FPR2: variants seen among roughly 807,000 people sequenced by gnomAD.
FPR2 encodes N-formyl peptide receptor 2.
Under a neutral mutation model 4.0 loss-of-function variants are expected in FPR2, and 3 were observed. That is an observed-to-expected ratio of 0.74 (90% CI 0.34 to 1.92). The LOEUF is 1.92. Ranked by LOEUF, FPR2 falls within the 30% of genes most tolerant of loss-of-function variation. The pLI is 0.07. For synonymous variants in FPR2, 179 were observed against 171.5 expected (o/e 1.04, Z -0.34); for missense variants, 372 against 435.7 (o/e 0.85, Z 1.30).
In FPR2 at chr19:51,768,968, G is replaced by T; in HGVS notation, c.310G>T (p.Val104Leu). The T allele has an allele frequency of 6.2e-7, 1 of 1,614,128 alleles. No homozygotes were observed. The highest frequency in any genetic ancestry group is 8.5e-7 in the Non-Finnish European group (1 of 1,180,034). ...GWFLCKLIHI[V>L]VDINLFGSVF... is the part of the protein sequence containing the mutation. Reference sequence around the variant, plus strand: ...GTTCCTGTGTAAGTTAATTCACATCGTGGTGGACATCAACCTCTTTGGAAG... The same window carrying T: ...GTTCCTGTGTAAGTTAATTCACATCTTGGTGGACATCAACCTCTTTGGAAG... The change falls in exon 2 of 2, where the codon GTG (valine) becomes TTG (leucine). Residue 104 changes from valine to leucine, a missense_variant. Transcript: ENST00000340023.
intron 1 of FPR2, chr19:51,763,077 G>A (rs983811050): frequency 1.3e-5 from 2 of 152,218 alleles, no homozygotes; most frequent in Non-Finnish European, 1.5e-5. Flanking sequence ...CTCCCGTGGG[G>A]AGAGGTTATA....
intron 1 of FPR2, 97 bp from the exon 2 acceptor site, chr19:51,768,548 G>A (rs1486592941): frequency 2.1e-6 from 2 of 947,052 alleles, no homozygotes; most frequent in East Asian, 5.2e-5. Context: ...TCTCCTGGTA[G>A]GAGTGGGAGC....
At position 51,765,493 on chromosome 19, in the gene FPR2, C is replaced by T. The variant is rs201187926; in HGVS notation, c.-14-3152C>T. Among the ~76,000 whole-genome samples, 18 of 152,338 alleles carry T rather than the reference C, an allele frequency of 1.2e-4. No individual in the cohort carries two copies. In the East Asian group the frequency reaches 3.1e-3, roughly 26 times the overall value. ...AATATCACTAAGATTAATCAATATT[C>T]ACTGTGTCTCAGGAGTGCTCAGTGT... On this transcript the variant is annotated intron_variant, in intron 1 of 1. Coordinates refer to ENST00000340023, the MANE Select transcript of FPR2 (RefSeq NM_001005738.2).
In FPR2 at chr19:51,769,557, T is replaced by C. The variant is rs2122368271; in HGVS notation, c.899T>C (p.Met300Thr). Residue 300 changes from methionine (M) to threonine (T), a missense_variant, in exon 2 of 2, where the codon ATG becomes ACG. Coordinates refer to ENST00000340023, the MANE Select transcript of FPR2 (RefSeq NM_001005738.2). The surrounding 1 kb of genome is among the most constrained non-coding windows in gnomAD (Gnocchi z 4.4). ...TTCTTCAACAGCTGCCTCAACCCCA[T>C]GCTTTACGTCTTTGTGGGCCAAGAC... ...LAFFNSCLNP[M>T]LYVFVGQDFR... 6 of 1,614,182 alleles carry C rather than the reference T, an allele frequency of 3.7e-6. No individual in the cohort carries two copies. The highest frequency in any genetic ancestry group is 5.1e-6 in the Non-Finnish European group (6 of 1,180,024).
chr19:51,766,802 G>A (rs2083870906), intron 1 of FPR2, among the ~76,000 whole-genome samples: 2 of 152,160 alleles, frequency 1.3e-5, no homozygotes, highest in Non-Finnish European at 2.9e-5. Flanking sequence ...AAGTGCTATG[G>A]AATTGCTATT....
intron 1 of FPR2, among the ~76,000 whole-genome samples, chr19:51,764,655 G>A (rs75211523): frequency 0.08 from 12,167 of 152,178 alleles, 597 homozygotes; most frequent in South Asian, 0.17. Context: ...TATAGTGACT[G>A]GCACATATTA....
At chr19:51,763,722 T>C (rs185181594) in intron 1 of FPR2, among the ~76,000 whole-genome samples, 34 of 152,240 alleles carry the variant, frequency 2.2e-4, no homozygotes, top group Admixed American at 2.2e-3. Context: ...TTTTGTTTTT[T>C]GGGGTGGTTT....
intron 1 of FPR2, among the ~76,000 whole-genome samples, chr19:51,763,802 G>C (rs1332104779): frequency 6.6e-6 from 1 of 152,146 alleles, no homozygotes; most frequent in Non-Finnish European, 1.5e-5. Context: ...CTGTTGCCCA[G>C]GCTGGAGTGC....
rs2122366953 is a variant in FPR2, at chr19:51,769,257, C to A, written c.599C>A (p.Ala200Asp). 1 of 1,614,176 alleles carries A rather than the reference C, an allele frequency of 6.2e-7. No homozygotes were observed. Among genetic ancestry groups the A allele is most frequent in the South Asian group, 1.1e-5 (1 of 91,088 alleles). ...RLKVAITMLT[A>D]RGIIRFVIGF... ...AAGGTGGCCATTACCATGCTGACAGCCAGAGGGATTATCCGGTTTGTCATT... is the reference window on the plus strand; with the variant it reads ...AAGGTGGCCATTACCATGCTGACAGACAGAGGGATTATCCGGTTTGTCATT... The change falls in exon 2 of 2, where the codon GCC becomes GAC. Residue 200 changes from alanine to aspartate, a missense_variant. Transcript: ENST00000340023. The surrounding 1 kb of genome is among the most constrained non-coding windows in gnomAD (Gnocchi z 4.4).
chr19:51,761,195 G>A lies in FPR2; in HGVS notation c.-50G>A, dbSNP rs753404331. ...TAGAGCCGGTGTTGCTCCACAGGAAGCCAAGAAGCACACAGGAAAAGGAGC... is the reference window on the plus strand; with the variant it reads ...TAGAGCCGGTGTTGCTCCACAGGAAACCAAGAAGCACACAGGAAAAGGAGC... On this transcript the variant is annotated 5_prime_UTR_variant, in exon 1 of 2. Transcript: ENST00000340023. 2.0e-5 allele frequency: 3 copies of A among 152,350 alleles called. No individual in the cohort carries two copies. The highest frequency in any genetic ancestry group is 3.9e-4 in the East Asian group (2 of 5,190). 9.4% of individuals were successfully genotyped at this position (152,350 alleles called of 1,614,324 possible). A position where few individuals can be genotyped will look rare whatever the true frequency, so the allele number is the denominator to read the frequency against.
chr19:51,768,560 T>G, intron 1 of FPR2, 85 bp from the exon 2 acceptor site: 1 of 1,080,004 alleles, frequency 9.3e-7, no homozygotes, highest in Non-Finnish European at 1.3e-6. Flanking sequence ...AGTGGGAGCT[T>G]TAGTGGAAGT....
Position 51,768,984 on chromosome 19 carries a change from T to A in FPR2, c.326T>A (p.Leu109His). ...ATTCACATCGTGGTGGACATCAACC[T>A]CTTTGGAAGTGTCTTCTTGATTGGT... ...KLIHIVVDIN[L>H]FGSVFLIGFI... The change falls in exon 2 of 2, where the codon CTC (leucine) becomes CAC (histidine). Residue 109 changes from leucine (L) to histidine (H), a missense_variant. By Grantham distance (99) the Leu-to-His change is moderately conservative. Coordinates refer to ENST00000340023, the MANE Select transcript of FPR2 (RefSeq NM_001005738.2). 1.2e-6 allele frequency: 2 copies of A among 1,614,214 alleles called. No homozygotes were observed. Among genetic ancestry groups the A allele is most frequent in the South Asian group, 1.1e-5 (1 of 91,086 alleles).
At chr19:51,767,609 A>C (rs55646701) in intron 1 of FPR2, among the ~76,000 whole-genome samples, 1 of 151,984 alleles carries the variant, frequency 6.6e-6, no homozygotes. Flanking sequence ...GTGGTTTTTC[A>C]AGCAGAGAAG....
At chr19:51,767,356 C>T (rs890613181) in intron 1 of FPR2, among the ~76,000 whole-genome samples, 2 of 152,170 alleles carry the variant, frequency 1.3e-5, no homozygotes, top group Non-Finnish European at 1.5e-5. Flanking sequence ...GAGGCAGGGA[C>T]TACATGTTTT....
intron 1 of FPR2, among the ~76,000 whole-genome samples, chr19:51,766,361 G>T (rs2083868329): frequency 8.5e-6 from 1 of 118,096 alleles, no homozygotes; most frequent in Admixed American, 9.1e-5. Flanking sequence ...TAGAGGCCAG[G>T]GGGGCTGCTC....
Position 51,769,400 on chromosome 19 carries a change from G to T in FPR2, c.742G>T (p.Ala248Ser), listed in dbSNP as rs141392986. Residue 248 changes from alanine to serine, a missense_variant, in exon 2 of 2, where the codon GCT (alanine) becomes TCT (serine). Physicochemically the swap from Ala to Ser is moderately conservative, Grantham distance 99 (BLOSUM62 1). Transcript: ENST00000340023. This position sits in a 1 kb window ranked among gnomAD's most constrained non-coding sequence, Gnocchi z 4.4. ...CTTACGGGTCCTCACTGCTGTGGTG[G>T]CTTCTTTCTTCATCTGTTGGTTTCC... ...RPLRVLTAVV[A>S]SFFICWFPFQ... The T allele has an allele frequency of 1.9e-5, 31 of 1,614,084 alleles. No individual in the cohort carries two copies. The African/African-American group carries it at 4.1e-4, about 22-fold the overall frequency.
Position 51,769,172 on chromosome 19 carries a change from G to T in FPR2, c.514G>T (p.Gly172Trp). The T allele has an allele frequency of 6.2e-7, 1 of 1,614,162 alleles. No individual in the cohort carries two copies. The highest frequency in any genetic ancestry group is 8.5e-7 in the Non-Finnish European group (1 of 1,180,038). Residue 172 changes from glycine to tryptophan, a missense_variant, in exon 2 of 2, where the codon GGG becomes TGG. Transcript: ENST00000340023. The surrounding 1 kb of genome is among the most constrained non-coding windows in gnomAD (Gnocchi z 4.4). ...TTTGACTACAGTAACTATTCCAAAT[G>T]GGGACACATACTGTACTTTCAACTT... ...LFLTTVTIPN[G>W]DTYCTFNFAS...
intron 1 of FPR2, among the ~76,000 whole-genome samples, chr19:51,765,861 A>G (rs773930361): frequency 4.6e-5 from 7 of 152,224 alleles, no homozygotes; most frequent in Non-Finnish European, 1.0e-4. Flanking sequence ...ATCACTGACT[A>G]AAAACTCATA....
Position 51,769,569 on chromosome 19 carries a change from T to C in FPR2, c.911T>C (p.Phe304Ser), listed in dbSNP as rs2083889775. The C allele has an allele frequency of 6.2e-7, 1 of 1,614,198 alleles. No individual in the cohort carries two copies. The highest frequency in any genetic ancestry group is 1.1e-5 in the South Asian group (1 of 91,074). Reference protein sequence around the residue: ...NSCLNPMLYVFVGQDFRERLI... With the variant: ...NSCLNPMLYVSVGQDFRERLI... ...TGCCTCAACCCCATGCTTTACGTCT[T>C]TGTGGGCCAAGACTTCCGAGAGAGA... Residue 304 changes from phenylalanine (F) to serine (S), a missense_variant, in exon 2 of 2, where the codon TTT becomes TCT. Transcript: ENST00000340023. This position sits in a 1 kb window ranked among gnomAD's most constrained non-coding sequence, Gnocchi z 4.4.
Sources: gnomAD v4.1 joint callset for allele counts (sites outside exome capture counted in the v4.1 genomes callset) on GRCh38, gnomAD v4.1.1 for gene constraint, Gnocchi (gnomAD v3.1) non-coding constraint, MANE v1.5 for transcripts, NCBI Gene and HGNC (gene_info 2026-07-23, HGNC 2026-07-21) for gene names.